Variants in TMPRSS13 observed in about 807,000 individuals in gnomAD.
TMPRSS13 encodes transmembrane serine protease 13.
In TMPRSS13, 50 loss-of-function variants were observed where a neutral mutation model predicts 68.4. The observed-to-expected ratio is 0.73, with a 90% confidence interval of 0.58 to 0.93. The LOEUF (loss-of-function observed/expected upper bound fraction) is 0.93, where lower values mean the gene tolerates loss of function less well. TMPRSS13 is among the 40% of genes least tolerant of loss of function. The pLI, the probability that TMPRSS13 is intolerant of heterozygous loss-of-function variation, is 0.00. For synonymous variants in TMPRSS13, 267 were observed against 285.8 expected (o/e 0.93, Z 0.66); for missense variants, 615 against 729.2 (o/e 0.84, Z 1.80).
Position 117,914,428 on chromosome 11 carries a change from C to A in TMPRSS13, c.643G>T (p.Val215Leu). ...PKHAVRCDGV[V>L]DCKLKSDELG... is the part of the protein sequence containing the mutation. ...TCGTCACTCTTCAGCTTGCAGTCCACCACCCCGTCACAGCGAACAGCGTGC... is the reference window on the plus strand; with the variant it reads ...TCGTCACTCTTCAGCTTGCAGTCCAACACCCCGTCACAGCGAACAGCGTGC... Residue 215 changes from valine (V) to leucine (L), a missense_variant, in exon 4 of 13, where the codon GTG becomes TTG. Transcript: ENST00000524993. This position sits in a 1 kb window ranked among gnomAD's most constrained non-coding sequence, Gnocchi z 4.2. 2 of 1,614,076 alleles carry A rather than the reference C, an allele frequency of 1.2e-6. No individual in the cohort carries two copies. Among genetic ancestry groups the A allele is most frequent in the Non-Finnish European group, 1.7e-6 (2 of 1,180,018 alleles).
chr11:117,910,784 C>T, intron 6 of TMPRSS13, 34 bp from the exon 7 acceptor site: 14 of 1,589,580 alleles, frequency 8.8e-6, no homozygotes, highest in Non-Finnish European at 1.2e-5. Flanking sequence ...GGGAAAAGGG[C>T]ACATTAGCTA....
rs773017447 is a variant in TMPRSS13, at chr11:117,903,796, C to T, written c.1536G>A (p.Gly512=). Residue 512 remains glycine, a synonymous_variant, in exon 12 of 13, where the codon GGG becomes GGA. Transcript: ENST00000524993. ...TGTTCTGCTCACAGACAAGAGGCCC[C>T]CCGCTGTCTCCCTGCAGGGGAGAGG... ...GGRDSCQGDS[G]GPLVCEQNNR... The T allele has an allele frequency of 3.1e-6, 5 of 1,610,306 alleles. No homozygotes were observed. The highest frequency in any genetic ancestry group is 4.5e-5 in the East Asian group (2 of 44,774).
intron 8 of TMPRSS13, 116 bp downstream of exon 8, chr11:117,909,690 G>A (rs779019059): frequency 5.4e-6 from 7 of 1,291,444 alleles, no homozygotes; most frequent in Admixed American, 2.1e-5. Context: ...ACTGGCCCAT[G>A]GGGGCTGGAC....
intron 8 of TMPRSS13, among the ~76,000 whole-genome samples, 165 bp from the exon 9 acceptor site, chr11:117,908,949 C>T (rs2057492587): frequency 6.6e-6 from 1 of 152,154 alleles, no homozygotes; most frequent in South Asian, 2.1e-4. Context: ...GAGTCCAAAG[C>T]AATCCCCCAC....
intron 9 of TMPRSS13, chr11:117,907,315 G>T (rs931423878): frequency 6.6e-6 from 1 of 152,372 alleles, no homozygotes. Flanking sequence ...GCTGGTGGGC[G>T]TGTCGTGTCG....
In TMPRSS13 at chr11:117,910,895, C is replaced by T. The variant is rs1208822784; in HGVS notation, c.903-145G>A. On this transcript the variant is annotated intron_variant, in intron 6 of 12. Coordinates refer to ENST00000524993, the MANE Select transcript of TMPRSS13 (RefSeq NM_001077263.3). ...GGAAGCAGGAGATTCTGAGCTTCCCCTTTCCCCATGTGACATTGTCCCTTC... is the reference window on the plus strand; with the variant it reads ...GGAAGCAGGAGATTCTGAGCTTCCCTTTTCCCCATGTGACATTGTCCCTTC... 1.2e-5 allele frequency: 9 copies of T among 734,806 alleles called. No individual in the cohort carries two copies. In the Admixed American group the frequency reaches 2.0e-4, roughly 16 times the overall value. 45.5% of individuals were successfully genotyped at this position (734,806 alleles called of 1,614,324 possible).
intron 1 of TMPRSS13, among the ~76,000 whole-genome samples, chr11:117,926,753 T>C (rs2057711491): frequency 6.6e-6 from 1 of 152,188 alleles, no homozygotes; most frequent in African/African-American, 2.4e-5. Context: ...TGTCCAACCC[T>C]CTTCTTTGGT....
In TMPRSS13 at chr11:117,918,268, G is replaced by A. The variant is rs186304794; in HGVS notation, c.451+141C>T. 1,557 of 1,058,142 alleles carry A rather than the reference G, an allele frequency of 1.5e-3. 4 individuals carry two copies. Among genetic ancestry groups the A allele is most frequent in the Middle Eastern group, 3.8e-3 (12 of 3,162 alleles). 65.5% of individuals were successfully genotyped at this position (1,058,142 alleles called of 1,614,324 possible). ...GTTTCCTTTTTGCCTCCACCCTCAG[G>A]TCCCTCACTTCCCACCCCCCTACCT... On this transcript the variant is annotated intron_variant, in intron 2 of 12. Coordinates refer to ENST00000524993, the MANE Select transcript of TMPRSS13 (RefSeq NM_001077263.3).
chr11:117,917,138 G>T, intron 3 of TMPRSS13, 32 bp downstream of exon 3: 1 of 1,587,230 alleles, frequency 6.3e-7, no homozygotes, highest in Non-Finnish European at 8.6e-7. Flanking sequence ...GCAGTGCCCA[G>T]AACCCACCCC....
rs764592435 is a variant in TMPRSS13, at chr11:117,903,620, CTGCTGGG to C, written c.1677+28_1677+34del. The C allele has an allele frequency of 5.0e-6, 8 of 1,613,772 alleles. No homozygotes were observed. In the Admixed American group the frequency reaches 1.0e-4, roughly 20 times the overall value. On this transcript the variant is annotated intron_variant, in intron 12 of 12. Transcript: ENST00000524993. ...GTCCCCACCTGAGGAAGTTCCCAGC[CTGCTGGG>C]TGCAGTGTCCTGCTGCAGGGATCTT...
chr11:117,910,752 T>A lies in TMPRSS13; in HGVS notation c.903-2A>T. 1 of 1,606,576 alleles carries A rather than the reference T, an allele frequency of 6.2e-7. No homozygotes were observed. Among genetic ancestry groups the A allele is most frequent in the East Asian group, 2.2e-5 (1 of 44,638 alleles). On this transcript the variant is annotated splice_acceptor_variant, in intron 6 of 12. Transcript: ENST00000524993. LOFTEE classifies it high-confidence loss of function. ...TACCGCTGGGAAGGGCATTCAGACC[T>A]GCAGGGGGAGACACAGAAAGTGGGA...
chr11:117,927,864 G>A (rs891721681), intron 1 of TMPRSS13, among the ~76,000 whole-genome samples: 2 of 152,104 alleles, frequency 1.3e-5, no homozygotes, highest in Non-Finnish European at 2.9e-5. Flanking sequence ...AATGAATATG[G>A]CACCTATCAT....
chr11:117,909,573 C>G (rs549932786), intron 8 of TMPRSS13, among the ~76,000 whole-genome samples: 3 of 152,208 alleles, frequency 2.0e-5, no homozygotes, highest in African/African-American at 2.4e-5. Context: ...CCTCTCTCCC[C>G]CTTGGGGCCG....
chr11:117,908,634 C>G lies in TMPRSS13; in HGVS notation c.1260G>C (p.Leu420=). The G allele has an allele frequency of 6.4e-7, 1 of 1,568,452 alleles. No homozygotes were observed. The highest frequency in any genetic ancestry group is 1.2e-5 in the South Asian group (1 of 85,216). Residue 420 remains leucine, a synonymous_variant, in exon 9 of 13, where the codon CTG becomes CTC. Coordinates refer to ENST00000524993, the MANE Select transcript of TMPRSS13 (RefSeq NM_001077263.3). ...CACCGGACAGGGTCAGGGGCTTGGA[C>G]AGCCGCATGAGGGCGATGTCATAGT... ...EDDYDIALMR[L]SKPLTLSAHI...
chr11:117,926,097 G>C (rs1005722144), intron 1 of TMPRSS13, among the ~76,000 whole-genome samples: 12 of 151,054 alleles, frequency 7.9e-5, no homozygotes, highest in African/African-American at 2.9e-4. Flanking sequence ...GGAGGACGAG[G>C]TGAGGGATGC....
chr11:117,918,146 G>A (rs1286671544), intron 2 of TMPRSS13, among the ~76,000 whole-genome samples: 1 of 152,110 alleles, frequency 6.6e-6, no homozygotes, highest in African/African-American at 2.4e-5. Context: ...CCTGGGTTGT[G>A]CAGACTCCAG....
intron 1 of TMPRSS13, among the ~76,000 whole-genome samples, chr11:117,921,962 C>G (rs1335637159): frequency 6.6e-6 from 1 of 152,224 alleles, no homozygotes; most frequent in Non-Finnish European, 1.5e-5. Context: ...CAACCCAAAC[C>G]CTCCCAGACA....
intron 12 of TMPRSS13, 118 bp downstream of exon 12, chr11:117,903,535 ACC>A: frequency 6.4e-7 from 1 of 1,564,884 alleles, no homozygotes; most frequent in Non-Finnish European, 8.7e-7. Flanking sequence ...TGTCCAGAAC[ACC>A]CCCCGAATAT....
chr11:117,923,041 G>T lies in TMPRSS13; in HGVS notation c.22-4203C>A, dbSNP rs148878352. 3.7e-3 allele frequency among the ~76,000 whole-genome samples: 571 copies of T among 152,346 alleles called. 3 individuals carry two copies. The highest frequency in any genetic ancestry group is 0.013 in the African/African-American group (543 of 41,580). On this transcript the variant is annotated intron_variant, in intron 1 of 12. Transcript: ENST00000524993. ...AGGAAAGCGGTAAGGGACAAGCCAG[G>T]GAGGGCTAAAAGGAGCAGCCCCTGG...
Sources: gnomAD v4.1 joint callset for allele counts (sites outside exome capture counted in the v4.1 genomes callset) on GRCh38, gnomAD v4.1.1 for gene constraint, Gnocchi (gnomAD v3.1) non-coding constraint, MANE v1.5 for transcripts, NCBI Gene and HGNC (gene_info 2026-07-23, HGNC 2026-07-21) for gene names.